Variants in GNG12 observed in about 807,000 individuals in gnomAD.
GNG12 encodes the protein G protein subunit gamma 12.
For missense variants in GNG12, 69 were observed against 83.8 expected (o/e 0.82, Z 0.69); for synonymous variants, 28 against 29.7 (o/e 0.94, Z 0.19).
intron 1 of GNG12, among the ~76,000 whole-genome samples, chr1:67,794,309 C>T (rs1259001344): frequency 6.6e-6 from 1 of 152,112 alleles, no homozygotes; most frequent in Non-Finnish European, 1.5e-5. Context: ...AAGGGTGGGT[C>T]TTTGCCCTGC....
intron 2 of GNG12, among the ~76,000 whole-genome samples, chr1:67,769,433 T>C (rs983640487): frequency 2.2e-4 from 33 of 152,056 alleles, no homozygotes; most frequent in Non-Finnish European, 2.8e-4. Flanking sequence ...GGGTGGGTCT[T>C]TGGAGGGAGG....
At chr1:67,799,068 T>C (rs757858673) in intron 1 of GNG12, among the ~76,000 whole-genome samples, 31 of 152,248 alleles carry the variant, frequency 2.0e-4, no homozygotes, top group African/African-American at 6.3e-4. Flanking sequence ...ATGTAATATA[T>C]ATAACATACA....
intron 1 of GNG12, among the ~76,000 whole-genome samples, chr1:67,795,497 A>G (rs559016107): frequency 1.3e-5 from 2 of 152,352 alleles, no homozygotes; most frequent in African/African-American, 2.4e-5. Context: ...GATTAAATGT[A>G]TGAGAAAAAA....
chr1:67,710,138 TTATATATATATAGTTATA>T (rs1557592311), intron 2 of GNG12, among the ~76,000 whole-genome samples: 1 of 5,924 alleles, frequency 1.7e-4, no homozygotes, highest in African/African-American at 5.6e-4. Context: ...ATATATATAG[TTATATATATATAGTTATA>T]TATATATAGT....
intron 1 of GNG12, among the ~76,000 whole-genome samples, chr1:67,786,925 TTATA>T (rs371809712): frequency 1.3e-5 from 1 of 75,776 alleles, no homozygotes; most frequent in African/African-American, 6.0e-5. Context: ...TAACAGAGAC[TTATA>T]TATATATGTG....
rs148647994 is a variant in GNG12, at chr1:67,721,551, CAGA to C, written c.-26-13842_-26-13840del. Among the ~76,000 whole-genome samples, 1,204 of 152,258 alleles carry C rather than the reference CAGA, an allele frequency of 7.9e-3. 9 individuals are homozygous for C. Among genetic ancestry groups the C allele is most frequent in the African/African-American group, 0.027 (1,126 of 41,526 alleles). ...GTAATTTCTAGATAGAGCTTTTCAA[CAGA>C]AGGATGATCCAGCTATCAAGTAAAT... On this transcript the variant is annotated intron_variant, in intron 2 of 3. Coordinates refer to ENST00000370982, the MANE Select transcript of GNG12 (RefSeq NM_018841.6).
At chr1:67,804,306 G>A (rs1195818056) in intron 1 of GNG12, among the ~76,000 whole-genome samples, 1 of 152,176 alleles carries the variant, frequency 6.6e-6, no homozygotes, top group African/African-American at 2.4e-5. Context: ...AAGTGCTTTA[G>A]TGAAATAATT....
At chr1:67,833,280 C>T in intron 1 of GNG12, 64 bp downstream of exon 1, 4 of 608,052 alleles carry the variant, frequency 6.6e-6, no homozygotes, top group Non-Finnish European at 8.3e-6. Context: ...GGCCGACGCC[C>T]CGCGCCGCGC....
At chr1:67,828,709 G>T (rs1231314833) in intron 1 of GNG12, among the ~76,000 whole-genome samples, 1 of 152,194 alleles carries the variant, frequency 6.6e-6, no homozygotes, top group Non-Finnish European at 1.5e-5. Context: ...ATCAAGGCAG[G>T]CCTGGATCTG....
chr1:67,743,829 A>C (rs1300440966), intron 2 of GNG12, among the ~76,000 whole-genome samples: 1 of 152,218 alleles, frequency 6.6e-6, no homozygotes, highest in Non-Finnish European at 1.5e-5. Context: ...AGCTTTTTAC[A>C]AGGATATTGG....
intron 2 of GNG12, among the ~76,000 whole-genome samples, chr1:67,719,770 C>T (rs1646346621): frequency 6.6e-6 from 1 of 152,150 alleles, no homozygotes; most frequent in Non-Finnish European, 1.5e-5. Context: ...CATAATTTGC[C>T]CAAGATCATA....
At chr1:67,725,453 C>T (rs1378870660) in intron 2 of GNG12, among the ~76,000 whole-genome samples, 2 of 152,158 alleles carry the variant, frequency 1.3e-5, no homozygotes, top group Non-Finnish European at 2.9e-5. Flanking sequence ...GCAAGGTGAA[C>T]ATTTTGTGTT....
At chr1:67,747,632 G>A (rs1193748272) in intron 2 of GNG12, among the ~76,000 whole-genome samples, 1 of 152,226 alleles carries the variant, frequency 6.6e-6, no homozygotes, top group African/African-American at 2.4e-5. Flanking sequence ...TGGGCAAGTA[G>A]TGTTATAAGA....
chr1:67,738,300 A>G (rs1373153564), intron 2 of GNG12, among the ~76,000 whole-genome samples: 1 of 152,226 alleles, frequency 6.6e-6, no homozygotes, highest in Non-Finnish European at 1.5e-5. Context: ...GCAAATTATC[A>G]GTTAGTGATT....
At chr1:67,781,454 T>C (rs961087979) in intron 1 of GNG12, among the ~76,000 whole-genome samples, 6 of 152,202 alleles carry the variant, frequency 3.9e-5, no homozygotes, top group Admixed American at 2.6e-4. Context: ...GTATATTACA[T>C]TCTTGACTTG....
chr1:67,818,145 C>T (rs1467195885), intron 1 of GNG12, among the ~76,000 whole-genome samples: 1 of 142,598 alleles, frequency 7.0e-6, no homozygotes, highest in Non-Finnish European at 1.6e-5. Context: ...CTTCGACAGA[C>T]TGGTAGGAAT....
intron 2 of GNG12, among the ~76,000 whole-genome samples, chr1:67,736,993 T>C (rs1646456272): frequency 1.3e-5 from 2 of 152,192 alleles, no homozygotes; most frequent in Admixed American, 6.5e-5. Context: ...GCCAACATCA[T>C]ATAGGTACTA....
chr1:67,766,776 G>A (rs1291682314), intron 2 of GNG12, among the ~76,000 whole-genome samples: 3 of 152,034 alleles, frequency 2.0e-5, no homozygotes, highest in Non-Finnish European at 4.4e-5. Context: ...TGCACAAACG[G>A]GGCCCTTTCT....
intron 2 of GNG12, 138 bp from the exon 3 acceptor site, chr1:67,707,850 C>A (rs186431887): frequency 5.5e-6 from 3 of 542,910 alleles, no homozygotes; most frequent in East Asian, 3.3e-5. Context: ...TACTAAAACA[C>A]CCCTTAGAAA....
Sources: gnomAD v4.1 joint callset for allele counts (sites outside exome capture counted in the v4.1 genomes callset) on GRCh38, gnomAD v4.1.1 for gene constraint, MANE v1.5 for transcripts, NCBI Gene and HGNC (gene_info 2026-07-23, HGNC 2026-07-21) for gene names.